The following NDUFAF6 variants were observed in gnomAD, a reference collection of about 807,000 sequenced individuals.
The protein encoded by NDUFAF6 is NADH:ubiquinone oxidoreductase complex assembly factor 6.
NDUFAF6 carries 45 observed loss-of-function variants against 40.8 expected under a neutral mutation model. The ratio of observed to expected loss-of-function variants is 1.10; its 90% CI spans 0.87 to 1.42. The LOEUF is 1.42. Ranked by LOEUF, NDUFAF6 falls within the 40% of genes most tolerant of loss-of-function variation. The probability of loss-of-function intolerance (pLI) is 0.00; values close to 1 mark genes in which losing one functional copy is unlikely to be tolerated. For missense variants in NDUFAF6, 435 were observed against 418.5 expected, an observed-to-expected ratio of 1.04 and a Z score of -0.34; for synonymous variants, 185 against 155.9, an observed-to-expected ratio of 1.19 and a Z score of -1.39.
At chr8:94,919,788 G>A (rs1477402075) in intron 1 of NDUFAF6, among the ~76,000 whole-genome samples, 6 of 152,208 alleles carry the variant, frequency 3.9e-5, no homozygotes, top group African/African-American at 1.4e-4. Context: ...TGACCTGAAA[G>A]TCAGGAATTC....
intron 4 of NDUFAF6, among the ~76,000 whole-genome samples, chr8:95,112,476 G>A (rs1810023979): frequency 6.6e-6 from 1 of 152,160 alleles, no homozygotes; most frequent in Non-Finnish European, 1.5e-5. Context: ...AGAAAGGCAA[G>A]GAAGGATTCT....
chr8:95,063,763 GC>G (rs1374575982), intron 9 of NDUFAF6, among the ~76,000 whole-genome samples: 1 of 151,996 alleles, frequency 6.6e-6, no homozygotes, highest in Non-Finnish European at 1.5e-5. Flanking sequence ...AAGTTCAAGA[GC>G]TTTTTTTTTA....
intron 1 of NDUFAF6, among the ~76,000 whole-genome samples, chr8:94,908,307 G>A (rs888757498): frequency 6.6e-6 from 1 of 152,190 alleles, no homozygotes; most frequent in Admixed American, 6.5e-5. Context: ...TTTGATTAAT[G>A]AAGTTTAAGT....
chr8:95,016,143 A>C (rs1316766784), intron 2 of NDUFAF6, among the ~76,000 whole-genome samples: 7 of 111,720 alleles, frequency 6.3e-5, no homozygotes, highest in Non-Finnish European at 2.0e-5. Context: ...TGTGCCTTAC[A>C]TATATTAATG....
intron 9 of NDUFAF6, among the ~76,000 whole-genome samples, chr8:95,073,652 T>C (rs1832946650): frequency 1.3e-5 from 2 of 152,162 alleles, no homozygotes; most frequent in Non-Finnish European, 2.9e-5. Flanking sequence ...TCTTTTTGCA[T>C]AACACTTAAA....
chr8:95,075,105 T>G (rs1832991132), intron 9 of NDUFAF6, among the ~76,000 whole-genome samples: 1 of 151,892 alleles, frequency 6.6e-6, no homozygotes, highest in South Asian at 2.1e-4. Context: ...GAACCCAGGG[T>G]CACAAGGATC....
chr8:94,956,227 TA>T (rs1823060143), upstream of NDUFAF6, among the ~76,000 whole-genome samples: 1 of 152,194 alleles, frequency 6.6e-6, no homozygotes, highest in African/African-American at 2.4e-5. Flanking sequence ...AAGAGCTTAT[TA>T]AAAGGTCATA....
downstream of NDUFAF6, chr8:95,078,713 C>G: frequency 6.6e-6 from 1 of 150,530 alleles, no homozygotes; most frequent in African/African-American, 2.5e-5. Flanking sequence ...AAGCCTTCCC[C>G]TCTTCCCCAG....
chr8:95,019,375 G>C (rs1827599063), intron 2 of NDUFAF6, among the ~76,000 whole-genome samples: 1 of 152,202 alleles, frequency 6.6e-6, no homozygotes, highest in African/African-American at 2.4e-5. Context: ...ATTGTAATTA[G>C]AAACAACTTG....
intron 3 of NDUFAF6, among the ~76,000 whole-genome samples, chr8:95,039,026 G>T (rs1157103563): frequency 1.3e-5 from 2 of 151,384 alleles, no homozygotes; most frequent in South Asian, 2.1e-4. Flanking sequence ...GCTCAGACTG[G>T]AGTGGAGTGT....
At chr8:95,047,242 T>G in intron 6 of NDUFAF6, 115 bp downstream of exon 6, 1 of 1,434,150 alleles carries the variant, frequency 7.0e-7, no homozygotes, top group Non-Finnish European at 9.6e-7. Context: ...GAATGCTTAT[T>G]GCTTACTAAA....
chr8:95,101,539 C>T (rs1454277205), intron 2 of NDUFAF6, among the ~76,000 whole-genome samples: 2 of 152,166 alleles, frequency 1.3e-5, no homozygotes, highest in Non-Finnish European at 2.9e-5. Flanking sequence ...GATGAACTGT[C>T]TCTGTAACTT....
At chr8:95,075,104 G>A (rs1832991073) in intron 9 of NDUFAF6, among the ~76,000 whole-genome samples, 1 of 152,150 alleles carries the variant, frequency 6.6e-6, no homozygotes, top group Non-Finnish European at 1.5e-5. Context: ...AGAACCCAGG[G>A]TCACAAGGAT....
At chr8:95,011,261 T>C (rs1563787842) in intron 2 of NDUFAF6, among the ~76,000 whole-genome samples, 1 of 152,174 alleles carries the variant, frequency 6.6e-6, no homozygotes, top group East Asian at 1.9e-4. Context: ...ACTTCAAATC[T>C]TATCCATTTC....
chr8:94,962,979 CG>C (rs1823720261), intron 1 of NDUFAF6, among the ~76,000 whole-genome samples: 1 of 151,480 alleles, frequency 6.6e-6, no homozygotes. Flanking sequence ...TTAGTAGAGA[CG>C]GGGTTTCACC....
downstream of NDUFAF6, among the ~76,000 whole-genome samples, chr8:95,081,100 G>T (rs1003819790): frequency 1.3e-4 from 18 of 141,952 alleles, no homozygotes; most frequent in Non-Finnish European, 2.6e-4. Flanking sequence ...GTCAGCACAG[G>T]TTCCGCCCTT....
chr8:94,930,729 C>G (rs369163386), intron 1 of NDUFAF6: 22 of 1,612,030 alleles, frequency 1.4e-5, no homozygotes, highest in Admixed American at 5.0e-5. Flanking sequence ...AGCTTCCACT[C>G]TGAAACAGAA....
intron 1 of NDUFAF6, chr8:94,975,699 C>T (rs1334399355): frequency 1.3e-5 from 2 of 152,130 alleles, no homozygotes; most frequent in African/African-American, 2.4e-5. Flanking sequence ...CCTTCATGGT[C>T]GTGTCTAGCC....
chr8:95,083,578 G>A (rs1459401776), intron 2 of NDUFAF6, among the ~76,000 whole-genome samples: 2 of 151,964 alleles, frequency 1.3e-5, no homozygotes, highest in Non-Finnish European at 2.9e-5. Flanking sequence ...GACTTTAAAC[G>A]GATAAAATAA....
Sources: gnomAD v4.1 joint callset for allele counts (sites outside exome capture counted in the v4.1 genomes callset) on GRCh38, gnomAD v4.1.1 for gene constraint, MANE v1.5 for transcripts, NCBI Gene and HGNC (gene_info 2026-07-23, HGNC 2026-07-21) for gene names.